The following NRXN1 variants were observed in gnomAD, a reference collection of about 807,000 sequenced individuals.
NRXN1 encodes neurexin-1.
NRXN1 carries 39 observed loss-of-function variants against 150.9 expected under a neutral mutation model. The observed-to-expected ratio is 0.26, with a 90% CI of 0.20 to 0.34. NRXN1 has a LOEUF of 0.34. Ranked by LOEUF, NRXN1 falls within the 10% of genes least tolerant of loss-of-function variation. The pLI, the probability that NRXN1 is intolerant of heterozygous loss-of-function variation, is 1.00. For synonymous variants in NRXN1, 924 were observed against 757.0 expected, an observed-to-expected ratio of 1.22 and a Z score of -3.62; for missense variants, 1,815 against 1,949.9, an observed-to-expected ratio of 0.93 and a Z score of 1.30.
intron 2 of NRXN1, among the ~76,000 whole-genome samples, chr2:50,962,522 GTTT>G (rs1419232201): frequency 2.8e-4 from 2 of 7,200 alleles, no homozygotes; most frequent in South Asian, 4.8e-3. Flanking sequence ...TGCTTGGTTT[GTTT>G]GTTTGTTTGT....
intron 5 of NRXN1, among the ~76,000 whole-genome samples, chr2:50,896,800 T>C (rs1012976739): frequency 9.2e-5 from 14 of 151,900 alleles, no homozygotes; most frequent in African/African-American, 3.1e-4. Context: ...TGAGCCAGGA[T>C]TGTGCCACTG....
chr2:49,966,431 T>G (rs931257887), intron 21 of NRXN1, among the ~76,000 whole-genome samples: 25 of 152,068 alleles, frequency 1.6e-4, no homozygotes, highest in African/African-American at 4.6e-4. Context: ...AAATCTCAGA[T>G]GCAGATTCAT....
chr2:50,395,729 G>A (rs1378341905), intron 17 of NRXN1, among the ~76,000 whole-genome samples: 2 of 152,098 alleles, frequency 1.3e-5, no homozygotes, highest in Non-Finnish European at 2.9e-5. Flanking sequence ...ACAACTCCAT[G>A]AGGTATAAGG....
chr2:50,682,296 G>C (rs1374784103), intron 5 of NRXN1, among the ~76,000 whole-genome samples: 2 of 152,112 alleles, frequency 1.3e-5, no homozygotes, highest in African/African-American at 4.8e-5. Context: ...TTCTTTCCAA[G>C]AAAATCTTCA....
At chr2:50,306,566 G>C (rs2074628273) in intron 17 of NRXN1, among the ~76,000 whole-genome samples, 1 of 152,182 alleles carries the variant, frequency 6.6e-6, no homozygotes, top group Non-Finnish European at 1.5e-5. Flanking sequence ...TTTGCAAGTA[G>C]GATTTGTTCT....
At chr2:50,509,845 T>C (rs1314886239) in intron 12 of NRXN1, among the ~76,000 whole-genome samples, 1 of 152,166 alleles carries the variant, frequency 6.6e-6, no homozygotes, top group Non-Finnish European at 1.5e-5. Context: ...CTATGTTGAA[T>C]TTCTAACCCA....
chr2:51,006,147 T>C (rs1700690330), intron 2 of NRXN1, among the ~76,000 whole-genome samples: 1 of 151,776 alleles, frequency 6.6e-6, no homozygotes, highest in African/African-American at 2.4e-5. Flanking sequence ...ACCTGTGTAG[T>C]TGTCTCACGT....
intron 18 of NRXN1, among the ~76,000 whole-genome samples, chr2:50,185,249 C>T (rs1056243909): frequency 1.3e-5 from 2 of 152,046 alleles, no homozygotes; most frequent in Admixed American, 6.6e-5. Flanking sequence ...TTATGGCACA[C>T]ATTTTATATC....
chr2:50,899,041 T>C (rs1051593345), intron 5 of NRXN1, among the ~76,000 whole-genome samples: 1 of 152,102 alleles, frequency 6.6e-6, no homozygotes, highest in African/African-American at 2.4e-5. Flanking sequence ...AAAAAGAAGA[T>C]GATGTATTTT....
intron 18 of NRXN1, among the ~76,000 whole-genome samples, chr2:50,201,626 G>A (rs1454549643): frequency 6.6e-6 from 1 of 152,186 alleles, no homozygotes; most frequent in Admixed American, 6.5e-5. Flanking sequence ...AAAAGAAGGT[G>A]TACTGGTTAT....
chr2:50,792,676 CT>C (rs201162796), intron 5 of NRXN1, among the ~76,000 whole-genome samples: 17 of 150,928 alleles, frequency 1.1e-4, no homozygotes, highest in South Asian at 4.2e-4. Context: ...AAAAACAGAA[CT>C]TTTTTTTTAT....
At chr2:50,249,374 G>C (rs1008883586) in intron 17 of NRXN1, among the ~76,000 whole-genome samples, 2 of 151,920 alleles carry the variant, frequency 1.3e-5, no homozygotes, top group African/African-American at 2.4e-5. Context: ...AATGAGTGGG[G>C]CATTTTGACA....
intron 21 of NRXN1, among the ~76,000 whole-genome samples, chr2:50,028,089 T>A (rs1486723301): frequency 2.0e-5 from 3 of 152,108 alleles, no homozygotes; most frequent in African/African-American, 7.2e-5. Context: ...ACTTTTGGCA[T>A]ATTTAGAAGT....
intron 17 of NRXN1, among the ~76,000 whole-genome samples, chr2:50,400,195 A>G (rs2082307842): frequency 6.6e-6 from 1 of 152,150 alleles, no homozygotes; most frequent in Non-Finnish European, 1.5e-5. Context: ...AGGAAAAAAA[A>G]TCACAAATGA....
chr2:50,247,437 A>G (rs145000952), intron 17 of NRXN1, among the ~76,000 whole-genome samples: 8 of 152,266 alleles, frequency 5.3e-5, no homozygotes, highest in African/African-American at 1.9e-4. Flanking sequence ...TAACCAGGTG[A>G]TCAAAGCTAG....
chr2:50,921,717 T>C (rs1198248282), intron 5 of NRXN1, among the ~76,000 whole-genome samples, 152 bp downstream of exon 5: 1 of 151,810 alleles, frequency 6.6e-6, no homozygotes, highest in Non-Finnish European at 1.5e-5. Flanking sequence ...TGATGGATTT[T>C]TCTTATCTTA....
intron 21 of NRXN1, among the ~76,000 whole-genome samples, chr2:49,951,735 T>A (rs540113807): frequency 3.9e-5 from 6 of 152,000 alleles, no homozygotes; most frequent in Non-Finnish European, 1.5e-5. Context: ...GTCACACAGG[T>A]TGAAATGAAA....
chr2:50,011,691 A>C (rs941783146), intron 21 of NRXN1, among the ~76,000 whole-genome samples: 1 of 152,120 alleles, frequency 6.6e-6, no homozygotes, highest in African/African-American at 2.4e-5. Flanking sequence ...GTATAGATAT[A>C]TCCTTATTTG....
At chr2:50,307,471 G>A (rs907503681) in intron 17 of NRXN1, among the ~76,000 whole-genome samples, 2 of 152,168 alleles carry the variant, frequency 1.3e-5, no homozygotes, top group Non-Finnish European at 2.9e-5. Flanking sequence ...ATGACAGGCT[G>A]TAAATGGCAT....
Sources: allele counts gnomAD v4.1 joint callset (sites outside exome capture counted in the v4.1 genomes callset), GRCh38; gene constraint gnomAD v4.1.1; transcripts MANE v1.5; gene names NCBI Gene and HGNC (gene_info 2026-07-23, HGNC 2026-07-21).